LRRTM4: variants seen among roughly 807,000 people sequenced by gnomAD.
The protein encoded by LRRTM4 is leucine-rich repeat transmembrane neuronal protein 4.
Under a neutral mutation model 47.6 loss-of-function variants are expected in LRRTM4, and 25 were observed. The ratio of observed to expected loss-of-function variants is 0.53; its 90% CI spans 0.38 to 0.73. The LOEUF (loss-of-function observed/expected upper bound fraction) is 0.73. LRRTM4 is among the 30% of genes least tolerant of loss of function. The pLI is 0.00. For synonymous variants in LRRTM4, 311 were observed against 269.5 expected (o/e 1.15, Z -1.51); for missense variants, 638 against 713.4 (o/e 0.89, Z 1.20).
At chr2:77,230,650 C>G (rs75051142) in intron 3 of LRRTM4, among the ~76,000 whole-genome samples, 1 of 151,868 alleles carries the variant, frequency 6.6e-6, no homozygotes, top group African/African-American at 2.4e-5. Flanking sequence ...TCTATGTAAT[C>G]GGGGGTTTTA....
chr2:76,877,991 T>TC (rs1672824885), intron 3 of LRRTM4, among the ~76,000 whole-genome samples: 1 of 152,202 alleles, frequency 6.6e-6, no homozygotes, highest in Non-Finnish European at 1.5e-5. Flanking sequence ...TTGTTTTTAA[T>TC]ACATTGAAGA....
At chr2:77,229,310 T>C (rs1674900634) in intron 3 of LRRTM4, among the ~76,000 whole-genome samples, 1 of 152,122 alleles carries the variant, frequency 6.6e-6, no homozygotes, top group South Asian at 2.1e-4. Context: ...AACAACTTAG[T>C]ATTTCCAGCC....
intron 3 of LRRTM4, among the ~76,000 whole-genome samples, chr2:77,032,407 C>G (rs980816490): frequency 1.3e-5 from 2 of 152,026 alleles, no homozygotes; most frequent in Non-Finnish European, 2.9e-5. Flanking sequence ...TATTATATGT[C>G]TATTTTATTA....
chr2:76,974,157 T>TATATATATACATAA, intron 3 of LRRTM4, among the ~76,000 whole-genome samples: 1 of 82,242 alleles, frequency 1.2e-5, no homozygotes, highest in East Asian at 2.4e-4. Context: ...TATACATACA[T>TATATATATACATAA]ATATATATAT....
At chr2:77,227,386 A>G (rs531944293) in intron 3 of LRRTM4, among the ~76,000 whole-genome samples, 5 of 152,228 alleles carry the variant, frequency 3.3e-5, no homozygotes, top group African/African-American at 4.8e-5. Context: ...AAATGATTCA[A>G]TGTAATCTCT....
intron 3 of LRRTM4, among the ~76,000 whole-genome samples, chr2:77,140,804 G>T (rs1443979990): frequency 2.0e-5 from 3 of 152,164 alleles, no homozygotes; most frequent in Non-Finnish European, 2.9e-5. Flanking sequence ...ATCAAAAAGT[G>T]GGTGAAGGAT....
At chr2:76,847,307 G>A (rs1048428402) in intron 3 of LRRTM4, among the ~76,000 whole-genome samples, 4 of 152,102 alleles carry the variant, frequency 2.6e-5, no homozygotes, top group South Asian at 4.2e-4. Context: ...CATAATTTCC[G>A]ATAGAAAAGA....
chr2:77,226,789 C>T (rs999239951), intron 3 of LRRTM4, among the ~76,000 whole-genome samples: 1 of 151,804 alleles, frequency 6.6e-6, no homozygotes, highest in Non-Finnish European at 1.5e-5. Context: ...AGTGGGGTAG[C>T]CTATTCTGAA....
intron 3 of LRRTM4, among the ~76,000 whole-genome samples, chr2:77,222,286 A>G (rs1355812899): frequency 1.3e-5 from 2 of 152,216 alleles, no homozygotes; most frequent in South Asian, 2.1e-4. Context: ...CTAACATCAC[A>G]ATTAAAATAA....
intron 3 of LRRTM4, among the ~76,000 whole-genome samples, chr2:76,857,244 C>G (rs189063664): frequency 2.3e-4 from 34 of 149,896 alleles, no homozygotes; most frequent in Non-Finnish European, 4.1e-4. Context: ...TTTTCTCTTG[C>G]TTATGATTTT....
In LRRTM4 at chr2:76,912,112, G is replaced by C. The variant is rs1265717729; in HGVS notation, c.1552-163196C>G. Among the ~76,000 whole-genome samples the C allele has an allele frequency of 2.0e-5, 3 of 151,998 alleles. No individual in the cohort carries two copies. The East Asian group carries it at 5.8e-4, about 29-fold the overall frequency. On this transcript the variant is annotated intron_variant, in intron 3 of 3. Coordinates refer to ENST00000409884, the MANE Select transcript of LRRTM4 (RefSeq NM_001134745.3). ...ATTTTTGTATTTTTAGTAGACAGGA[G>C]GTTTCACCATGTTATCCAGGATGGT...
intron 3 of LRRTM4, among the ~76,000 whole-genome samples, chr2:77,225,242 T>C (rs1378988784): frequency 6.7e-6 from 1 of 148,654 alleles, no homozygotes; most frequent in Non-Finnish European, 1.5e-5. Flanking sequence ...AGGGATAGCA[T>C]TAGGAGATAT....
intron 3 of LRRTM4, among the ~76,000 whole-genome samples, chr2:76,952,173 T>C (rs1235435909): frequency 6.6e-6 from 1 of 152,002 alleles, no homozygotes; most frequent in Non-Finnish European, 1.5e-5. Flanking sequence ...TTTCTAGGTA[T>C]AGGATCATAT....
At chr2:76,787,186 A>T (rs1327234470) in intron 3 of LRRTM4, among the ~76,000 whole-genome samples, 1 of 152,124 alleles carries the variant, frequency 6.6e-6, no homozygotes, top group African/African-American at 2.4e-5. Context: ...GAAAAAAGAG[A>T]AAGGATGTGG....
chr2:77,025,712 A>G (rs1242152218), intron 3 of LRRTM4, among the ~76,000 whole-genome samples: 1 of 152,196 alleles, frequency 6.6e-6, no homozygotes, highest in Non-Finnish European at 1.5e-5. Context: ...TGGAGCCTCA[A>G]GAAGACTGTT....
chr2:77,262,951 A>G (rs1427553590), intron 3 of LRRTM4, among the ~76,000 whole-genome samples: 2 of 152,098 alleles, frequency 1.3e-5, no homozygotes, highest in Admixed American at 6.6e-5. Context: ...GTAGCTTTTG[A>G]AAAACCCTCG....
Position 76,877,634 on chromosome 2 carries a change from A to C in LRRTM4, c.1552-128718T>G, listed in dbSNP as rs181249684. On this transcript the variant is annotated intron_variant, in intron 3 of 3. Transcript: ENST00000409884. ...TCAGGAATATATAACAAGAAAATTG[A>C]CTATTCATTTATTACTTCTAGAAAT... Among the ~76,000 whole-genome samples the C allele has an allele frequency of 1.1e-4, 17 of 152,302 alleles. No homozygotes were observed. The East Asian group carries it at 2.3e-3, about 21-fold the overall frequency.
chr2:76,805,449 A>T (rs1357129809), intron 3 of LRRTM4, among the ~76,000 whole-genome samples: 1 of 152,190 alleles, frequency 6.6e-6, no homozygotes, highest in East Asian at 1.9e-4. Context: ...GGGCTCAAGT[A>T]ACATATATTT....
At chr2:76,765,189 C>A (rs1484888555) in intron 3 of LRRTM4, among the ~76,000 whole-genome samples, 1 of 152,176 alleles carries the variant, frequency 6.6e-6, no homozygotes, top group African/African-American at 2.4e-5. Flanking sequence ...GTCGTCTATT[C>A]TATGCATGTC....
Sources: allele counts gnomAD v4.1 joint callset (sites outside exome capture counted in the v4.1 genomes callset), GRCh38; gene constraint gnomAD v4.1.1; transcripts MANE v1.5; gene names NCBI Gene and HGNC (gene_info 2026-07-23, HGNC 2026-07-21).